Variants in ASPHD1 observed in about 807,000 individuals in gnomAD.
ASPHD1 encodes aspartate beta-hydroxylase domain-containing protein 1.
Under a neutral mutation model 28.3 loss-of-function variants are expected in ASPHD1, and 20 were observed. That is an observed-to-expected ratio of 0.71 (90% CI 0.50 to 1.03). The LOEUF (loss-of-function observed/expected upper bound fraction) is 1.03. Among genes scored for constraint, ASPHD1 ranks in the 50% least tolerant of loss-of-function variants. The pLI is 0.00. For synonymous variants in ASPHD1, 240 were observed against 221.2 expected, an observed-to-expected ratio of 1.08 and a Z score of -0.75; for missense variants, 479 against 524.1, an observed-to-expected ratio of 0.91 and a Z score of 0.84.
intron 3 of ASPHD1, chr16:29,914,450 T>G (rs75365923): frequency 6.6e-6 from 1 of 151,430 alleles, no homozygotes; most frequent in Non-Finnish European, 1.5e-5. Context: ...TTTTTTTTTT[T>G]TTTGAAATGG....
chr16:29,916,369 G>A (rs184100369), intron 3 of ASPHD1, among the ~76,000 whole-genome samples: 1 of 152,150 alleles, frequency 6.6e-6, no homozygotes, highest in East Asian at 1.9e-4. Flanking sequence ...TATTACAAGT[G>A]TGAACCACTG....
At chr16:29,902,001 C>A in intron 1 of ASPHD1, 81 bp downstream of exon 1, 1 of 1,149,370 alleles carries the variant, frequency 8.7e-7, no homozygotes, top group Non-Finnish European at 1.2e-6. Context: ...GAGCCGTCTG[C>A]TGTCTGGTTC....
chr16:29,919,100 A>C (rs2068863614), intron 3 of ASPHD1, among the ~76,000 whole-genome samples: 1 of 152,164 alleles, frequency 6.6e-6, no homozygotes, highest in Non-Finnish European at 1.5e-5. Context: ...ACCCAATATC[A>C]GTCATTTAAA....
chr16:29,901,561 C>G lies in ASPHD1; in HGVS notation c.590C>G (p.Ser197Ter), dbSNP rs2068549119. 3 of 1,551,754 alleles carry G rather than the reference C, an allele frequency of 1.9e-6. No individual in the cohort carries two copies. Among genetic ancestry groups the G allele is most frequent in the Middle Eastern group, 3.4e-4 (2 of 5,816 alleles). ...CTGCTTTTCCTACCAGACCTGCCTT[C>G]AGCCCCCTTTGTGCCGCGGGACGCC... The part of the protein sequence containing the change: ...PGLLFLPDLP[S>*]APFVPRDAQR... Residue 197 changes from serine (S) to a stop codon, truncating the protein, a stop_gained, in exon 1 of 3, where the codon TCA (serine) becomes TGA (stop). Transcript: ENST00000308748. LOFTEE classifies it high-confidence loss of function. This position sits in a 1 kb window ranked among gnomAD's most constrained non-coding sequence, Gnocchi z 5.1.
chr16:29,900,987 G>A lies in ASPHD1; in HGVS notation c.16G>A (p.Gly6Arg). 1 of 1,555,376 alleles carries A rather than the reference G, an allele frequency of 6.4e-7. No homozygotes were observed. Among genetic ancestry groups the A allele is most frequent in the Non-Finnish European group, 8.7e-7 (1 of 1,148,944 alleles). ...TTGGAGGTGCATGAAGGAGGGGAGA[G>A]GGAGCTTCAGCGTGGAGAGAGGACC... is the stretch of plus-strand genomic sequence containing the variant. MKEGR[G>R]SFSVERGPRK... is the part of the protein sequence containing the mutation. Residue 6 changes from glycine (G) to arginine (R), a missense_variant, in exon 1 of 3, where the codon GGG becomes AGG. By Grantham distance (125) the Gly-to-Arg change is moderately radical. Coordinates refer to ENST00000308748, the MANE Select transcript of ASPHD1 (RefSeq NM_181718.4).
intron 1 of ASPHD1, among the ~76,000 whole-genome samples, chr16:29,903,904 A>T (rs2068576392): frequency 6.6e-6 from 1 of 152,096 alleles, no homozygotes; most frequent in East Asian, 1.9e-4. Context: ...CTTTAATCTT[A>T]TACCTCTCAG....
chr16:29,910,936 G>A, downstream of ASPHD1: 1 of 1,573,460 alleles, frequency 6.4e-7, no homozygotes, highest in Non-Finnish European at 8.7e-7. Context: ...CCTGGTCCTG[G>A]CCACCCCCAG....
chr16:29,905,350 G>A (rs1216659560), intron 2 of ASPHD1, among the ~76,000 whole-genome samples: 2 of 152,118 alleles, frequency 1.3e-5, no homozygotes, highest in African/African-American at 2.4e-5. Flanking sequence ...TATCGGCCGG[G>A]CATGGTGGCT....
At chr16:29,902,355 G>A (rs2068560849) in intron 1 of ASPHD1, among the ~76,000 whole-genome samples, 1 of 152,204 alleles carries the variant, frequency 6.6e-6, no homozygotes, top group Admixed American at 6.5e-5. Context: ...CTGGAGCTCA[G>A]CAGTTTGAGG....
At chr16:29,911,697 C>A (rs1241676697) in intron 3 of ASPHD1, 2 of 1,077,656 alleles carry the variant, frequency 1.9e-6, no homozygotes, top group Admixed American at 2.2e-5. Flanking sequence ...GCCGAATCTG[C>A]GAGCAGGCAC....
chr16:29,905,933 G>T lies in ASPHD1; in HGVS notation c.*36G>T. The T allele has an allele frequency of 6.8e-7, 1 of 1,468,456 alleles. No homozygotes were observed. The highest frequency in any genetic ancestry group is 9.3e-7 in the Non-Finnish European group (1 of 1,079,064). The allele number at this position is 1,468,456 out of a possible 1,614,324, so 91.0% of individuals were successfully genotyped here. A position where few individuals can be genotyped will look rare whatever the true frequency, so the allele number is the denominator to read the frequency against. On this transcript the variant is annotated 3_prime_UTR_variant, in exon 3 of 3. Coordinates refer to ENST00000308748, the MANE Select transcript of ASPHD1 (RefSeq NM_181718.4). Reference sequence around the variant, plus strand: ...TCCCTTCACACACCCAGGCTGGAGAGACACTGCGCTCAGGGACGGCTTGAT... The same window carrying T: ...TCCCTTCACACACCCAGGCTGGAGATACACTGCGCTCAGGGACGGCTTGAT...
At chr16:29,908,355 T>C (rs1195425515), downstream of ASPHD1, among the ~76,000 whole-genome samples, 1 of 152,108 alleles carries the variant, frequency 6.6e-6, no homozygotes, top group East Asian at 1.9e-4. Flanking sequence ...ACACAGCTCT[T>C]AGCAAACTGT....
At chr16:29,903,885 C>T (rs540373035) in intron 1 of ASPHD1, among the ~76,000 whole-genome samples, 3 of 152,206 alleles carry the variant, frequency 2.0e-5, no homozygotes, top group African/African-American at 2.4e-5. Context: ...GTCCTTGGGC[C>T]AGGAACGTCT....
At position 29,900,876 on chromosome 16, in the gene ASPHD1, AAAG is replaced by A. The variant is rs926215174; in HGVS notation, c.-91_-89del. 8 of 1,101,104 alleles carry A rather than the reference AAAG, an allele frequency of 7.3e-6. No homozygotes were observed. The African/African-American group carries it at 1.3e-4, about 17-fold the overall frequency. The allele number at this position is 1,101,104 out of a possible 1,614,324, so 68.2% of individuals were successfully genotyped here. A position where few individuals can be genotyped will look rare whatever the true frequency, so the allele number is the denominator to read the frequency against. On this transcript the variant is annotated 5_prime_UTR_variant, in exon 1 of 3. Coordinates refer to ENST00000308748, the MANE Select transcript of ASPHD1 (RefSeq NM_181718.4). ...AGAGAGAGGAGGCTGCTGGAAGGAG[AAAG>A]AAGAGGGTGAGGAGGCGACAGAGGG...
At chr16:29,902,883 C>CT (rs370689330) in intron 1 of ASPHD1, among the ~76,000 whole-genome samples, 50,081 of 106,524 alleles carry the variant, frequency 0.47, 13,855 homozygotes, top group African/African-American at 0.52. Context: ...GAGATTTTTT[C>CT]TTTTTCTTTT....
intron 3 of ASPHD1, chr16:29,912,315 G>A (rs1045523803): frequency 7.4e-6 from 4 of 543,498 alleles, no homozygotes; most frequent in Non-Finnish European, 1.3e-5. Context: ...TCTTTGCTCA[G>A]CTGTCAGCGT....
downstream of ASPHD1, chr16:29,919,701 T>C (rs2068873135): frequency 6.6e-6 from 1 of 152,064 alleles, no homozygotes; most frequent in Non-Finnish European, 1.5e-5. Flanking sequence ...AAAAACAGAT[T>C]ATAAAACATT....
downstream of ASPHD1, among the ~76,000 whole-genome samples, chr16:29,907,786 A>AAAAT (rs987855069): frequency 5.3e-5 from 8 of 152,070 alleles, no homozygotes; most frequent in East Asian, 5.8e-4. Context: ...ACCCCATCTC[A>AAAAT]AAATAAATAA....
chr16:29,902,555 G>A (rs2068562592), intron 1 of ASPHD1, among the ~76,000 whole-genome samples: 1 of 151,848 alleles, frequency 6.6e-6, no homozygotes, highest in Non-Finnish European at 1.5e-5. Context: ...TCGCCCAGGC[G>A]AGAGTGCAGT....
Sources: gnomAD v4.1 joint callset for allele counts (sites outside exome capture counted in the v4.1 genomes callset) on GRCh38, gnomAD v4.1.1 for gene constraint, Gnocchi (gnomAD v3.1) non-coding constraint, MANE v1.5 for transcripts, NCBI Gene and HGNC (gene_info 2026-07-23, HGNC 2026-07-21) for gene names.